Variants in RGS5 observed in about 807,000 individuals in gnomAD.
RGS5 encodes regulator of G protein signaling 5, also known as regulator of G-protein signalling 5.
In RGS5, 20 loss-of-function variants were observed where a neutral mutation model predicts 18.9. That is an observed-to-expected ratio of 1.06 (90% CI 0.74 to 1.54). RGS5 has a LOEUF of 1.54. Among genes scored for constraint, RGS5 ranks in the 40% most tolerant of loss-of-function variants. The probability of loss-of-function intolerance (pLI) is 0.00; values close to 1 mark genes in which losing one functional copy is unlikely to be tolerated. For missense variants in RGS5, 201 were observed against 211.8 expected, an observed-to-expected ratio of 0.95 and a Z score of 0.32; for synonymous variants, 57 against 76.2, an observed-to-expected ratio of 0.75 and a Z score of 1.31.
At chr1:163,192,242 T>G (rs1490336034) in intron 1 of RGS5, among the ~76,000 whole-genome samples, 1 of 152,080 alleles carries the variant, frequency 6.6e-6, no homozygotes, top group Non-Finnish European at 1.5e-5. Context: ...GCATCTGAAG[T>G]GGGGGGCAGT....
chr1:163,250,548 G>A (rs1404468944), intron 2 of RGS5, among the ~76,000 whole-genome samples: 1 of 152,172 alleles, frequency 6.6e-6, no homozygotes, highest in Non-Finnish European at 1.5e-5. Flanking sequence ...CTACAGTCAG[G>A]TATGGTGGGA....
chr1:163,197,708 A>G (rs1448818220), intron 1 of RGS5, among the ~76,000 whole-genome samples: 1 of 152,172 alleles, frequency 6.6e-6, no homozygotes, highest in Non-Finnish European at 1.5e-5. Context: ...TTAACATTCT[A>G]AAGTTTCACT....
chr1:163,263,296 C>G (rs1648499596), intron 2 of RGS5, among the ~76,000 whole-genome samples: 1 of 152,160 alleles, frequency 6.6e-6, no homozygotes, highest in African/African-American at 2.4e-5. Flanking sequence ...AAATATTCAG[C>G]CCTGTCCATA....
chr1:163,175,253 A>C (rs1658495616), intron 1 of RGS5, among the ~76,000 whole-genome samples: 1 of 152,094 alleles, frequency 6.6e-6, no homozygotes, highest in Non-Finnish European at 1.5e-5. Flanking sequence ...TGCAGCTGAG[A>C]ACTAATCTGA....
chr1:163,147,918 C>CTTTTTTTTTT (rs534448527), intron 4 of RGS5, among the ~76,000 whole-genome samples: 161 of 78,132 alleles, frequency 2.1e-3, no homozygotes, highest in Non-Finnish European at 2.5e-3. Context: ...TTTTCTTTTT[C>CTTTTTTTTTT]TTTTTTTTTT....
intron 1 of RGS5, chr1:163,211,905 G>A (rs767037249): frequency 4.6e-5 from 7 of 151,908 alleles, no homozygotes; most frequent in East Asian, 1.9e-4. Flanking sequence ...ATCCTCCCCC[G>A]ACAAATAATT....
intron 2 of RGS5, among the ~76,000 whole-genome samples, chr1:163,274,727 T>C (rs1043044285): frequency 3.3e-5 from 5 of 152,144 alleles, no homozygotes; most frequent in African/African-American, 7.2e-5. Context: ...CCAAATTGAA[T>C]TGAATTGTTG....
At chr1:163,173,951 CCTGTAATCCCAA>C (rs1165491661) in intron 1 of RGS5, among the ~76,000 whole-genome samples, 1 of 152,088 alleles carries the variant, frequency 6.6e-6, no homozygotes, top group Admixed American at 6.5e-5. Context: ...GTGGCAGGCA[CCTGTAATCCCAA>C]CTACTCGGGA....
At chr1:163,279,739 A>G (rs1021413447) in intron 2 of RGS5, among the ~76,000 whole-genome samples, 4 of 151,996 alleles carry the variant, frequency 2.6e-5, no homozygotes, top group Non-Finnish European at 4.4e-5. Flanking sequence ...TGGATTTTTG[A>G]TAAGATAAAG....
chr1:163,304,168 C>T (rs1649635740), intron 2 of RGS5: 1 of 152,140 alleles, frequency 6.6e-6, no homozygotes, highest in African/African-American at 2.4e-5. Context: ...TATAAAAGGA[C>T]CCCCAAGATA....
chr1:163,219,393 T>G (rs1660287073), upstream of RGS5, among the ~76,000 whole-genome samples: 1 of 152,186 alleles, frequency 6.6e-6, no homozygotes, highest in Non-Finnish European at 1.5e-5. Context: ...CTTGGGAAAC[T>G]AATCCATACT....
chr1:163,153,743 T>C (rs1657471212), intron 3 of RGS5, among the ~76,000 whole-genome samples: 1 of 151,668 alleles, frequency 6.6e-6, no homozygotes, highest in South Asian at 2.1e-4. Flanking sequence ...TAAAACTATG[T>C]ATATGTAAGG....
chr1:163,225,696 C>T (rs1647317249), intron 2 of RGS5, among the ~76,000 whole-genome samples: 1 of 152,136 alleles, frequency 6.6e-6, no homozygotes, highest in Admixed American at 6.6e-5. Context: ...ACTTGCTGCA[C>T]TAGACACACC....
At chr1:163,235,669 G>A (rs1647604052) in intron 2 of RGS5, among the ~76,000 whole-genome samples, 1 of 152,170 alleles carries the variant, frequency 6.6e-6, no homozygotes, top group South Asian at 2.1e-4. Context: ...CAGCTGAGTA[G>A]CTCTCTCAGC....
chr1:163,246,395 C>G (rs913938835), intron 2 of RGS5, among the ~76,000 whole-genome samples: 3 of 151,542 alleles, frequency 2.0e-5, no homozygotes, highest in Non-Finnish European at 4.4e-5. Context: ...ATGGTGAAAC[C>G]CCATCTCTAC....
intron 1 of RGS5, among the ~76,000 whole-genome samples, chr1:163,191,678 A>G (rs1438583755): frequency 6.6e-6 from 1 of 152,160 alleles, no homozygotes; most frequent in African/African-American, 2.4e-5. Context: ...CTTTTATTCT[A>G]ATACTTGGTT....
At chr1:163,303,373 C>A (rs976605794) in intron 2 of RGS5, among the ~76,000 whole-genome samples, 1 of 152,132 alleles carries the variant, frequency 6.6e-6, no homozygotes, top group South Asian at 2.1e-4. Context: ...ATTAAGATAG[C>A]TTTGAAAAGA....
At chr1:163,255,556 T>C (rs1648249325) in intron 2 of RGS5, among the ~76,000 whole-genome samples, 1 of 151,418 alleles carries the variant, frequency 6.6e-6, no homozygotes, top group Admixed American at 6.6e-5. Context: ...GTACCATTCC[T>C]TCTGAAACTA....
chr1:163,202,237 C>T (rs1371331418), intron 1 of RGS5, among the ~76,000 whole-genome samples: 3 of 152,124 alleles, frequency 2.0e-5, no homozygotes, highest in Non-Finnish European at 4.4e-5. Context: ...CTCCCAGTCC[C>T]TGTACATTAA....
Sources: gnomAD v4.1 joint callset for allele counts (sites outside exome capture counted in the v4.1 genomes callset) on GRCh38, gnomAD v4.1.1 for gene constraint, MANE v1.5 for transcripts, NCBI Gene and HGNC (gene_info 2026-07-23, HGNC 2026-07-21) for gene names.